NAE1: variants seen among roughly 807,000 people sequenced by gnomAD.
NAE1 encodes the protein NEDD8 activating enzyme E1 subunit 1.
A neutral mutation model predicts 88.0 loss-of-function variants in NAE1; 59 were observed. That is an observed-to-expected ratio of 0.67 (90% confidence interval 0.54 to 0.83). The LOEUF is 0.83. NAE1 is among the 40% of genes least tolerant of loss of function. NAE1 has a pLI of 0.00. For missense variants in NAE1, 554 were observed against 632.8 expected (o/e 0.88, Z 1.34); for synonymous variants, 186 against 208.9 (o/e 0.89, Z 0.95).
At chr16:66,820,706 C>T (rs1311173995) in intron 7 of NAE1, among the ~76,000 whole-genome samples, 1 of 152,140 alleles carries the variant, frequency 6.6e-6, no homozygotes, top group Non-Finnish European at 1.5e-5. Flanking sequence ...TTGAGACCAT[C>T]CTGGCTAACA....
intron 19 of NAE1, among the ~76,000 whole-genome samples, chr16:66,805,392 G>A (rs1174326558): frequency 6.6e-6 from 1 of 152,138 alleles, no homozygotes; most frequent in African/African-American, 2.4e-5. Context: ...ATGGCAGTGG[G>A]AGAGATGGAA....
chr16:66,823,246 C>G lies in NAE1; in HGVS notation c.382G>C (p.Ala128Pro). Residue 128 changes from alanine (A) to proline (P), a missense_variant, in exon 6 of 20, where the codon GCA becomes CCA. By Grantham distance (27) the Ala-to-Pro change is conservative. Transcript: ENST00000290810. The stretch of plus-strand genomic sequence containing the variant: ...ATTTACCTTTCAGGAAGCTGAGTTG[C>G]AACTACAACAGTAAACCTACAGAAA... ...SFFCRFTVVV[A>P]TQLPESTSLR... 6.3e-7 allele frequency: 1 copy of G among 1,594,308 alleles called. No homozygotes were observed. The highest frequency in any genetic ancestry group is 8.5e-7 in the Non-Finnish European group (1 of 1,172,276).
intron 11 of NAE1, among the ~76,000 whole-genome samples, chr16:66,814,278 G>A (rs1397842224): frequency 1.3e-5 from 2 of 152,034 alleles, no homozygotes; most frequent in African/African-American, 4.8e-5. Flanking sequence ...TTTATTGCTA[G>A]CAAGATCTTC....
At position 66,826,524 on chromosome 16, in the gene NAE1, T is replaced by C. The variant is rs1227196979; in HGVS notation, c.217A>G (p.Asn73Asp). ...NQVSGEDAGN[N>D]FFLQRSSIGK... ...ATATTTGAAGAGAATAGAACATACT[T>C]GTTTCCAGCATCTTCTCCGCTGACC... The change falls in exon 3 of 20, where the codon AAT becomes GAT. Residue 73 changes from asparagine to aspartate, a missense_variant and splice_region_variant. Physicochemically the swap from Asn to Asp is conservative, Grantham distance 23. Transcript: ENST00000290810. 2.5e-6 allele frequency: 4 copies of C among 1,613,970 alleles called. No individual in the cohort carries two copies. Among genetic ancestry groups the C allele is most frequent in the Non-Finnish European group, 3.4e-6 (4 of 1,179,922 alleles).
chr16:66,804,151 AGAG>A (rs1205948750), intron 19 of NAE1, among the ~76,000 whole-genome samples: 2 of 152,118 alleles, frequency 1.3e-5, no homozygotes, highest in African/African-American at 4.8e-5. Context: ...ATGGCATCGC[AGAG>A]AAGACAGCAT....
chr16:66,806,138 G>C (rs1372831111), intron 17 of NAE1, 112 bp from the exon 18 acceptor site: 39 of 1,252,614 alleles, frequency 3.1e-5, no homozygotes, highest in Non-Finnish European at 3.9e-5. Context: ...TGAAACTGAA[G>C]AACAAAAATA....
chr16:66,829,135 AC>A (rs1960592769), intron 1 of NAE1, among the ~76,000 whole-genome samples: 1 of 152,216 alleles, frequency 6.6e-6, no homozygotes, highest in African/African-American at 2.4e-5. Context: ...TTTGCTTCTA[AC>A]TGCTTCCCTT....
chr16:66,830,141 C>A (rs1960635093), intron 1 of NAE1, among the ~76,000 whole-genome samples: 1 of 152,178 alleles, frequency 6.6e-6, no homozygotes, highest in Admixed American at 6.5e-5. Context: ...CCCGCTTCGG[C>A]CTCCCAAAGT....
At chr16:66,815,325 T>C (rs893833585) in intron 11 of NAE1, among the ~76,000 whole-genome samples, 2 of 152,134 alleles carry the variant, frequency 1.3e-5, no homozygotes, top group African/African-American at 4.8e-5. Context: ...AAACAGAAAA[T>C]GTTCATCACC....
chr16:66,806,474 G>A (rs991999847), intron 17 of NAE1, among the ~76,000 whole-genome samples: 2 of 151,968 alleles, frequency 1.3e-5, no homozygotes, highest in Non-Finnish European at 2.9e-5. Flanking sequence ...ACCTAGGCTG[G>A]AGTGCAGTGG....
intron 1 of NAE1, chr16:66,828,155 G>A (rs1960539192): frequency 9.6e-7 from 1 of 1,043,574 alleles, no homozygotes; most frequent in Non-Finnish European, 1.4e-6. Flanking sequence ...GACATATATG[G>A]TTGATGGATG....
chr16:66,826,261 C>A, intron 3 of NAE1: 1 of 460,334 alleles, frequency 2.2e-6, no homozygotes. Context: ...TAGGAAGTGC[C>A]CATATTCCAT....
intron 1 of NAE1, among the ~76,000 whole-genome samples, chr16:66,829,578 G>A (rs915133390): frequency 1.3e-5 from 2 of 152,204 alleles, no homozygotes; most frequent in African/African-American, 4.8e-5. Flanking sequence ...TAGGCTGGTG[G>A]CGCAAACAGA....
Position 66,802,950 on chromosome 16 carries a change from C to T in NAE1, c.*59G>A. The T allele has an allele frequency of 9.4e-7, 1 of 1,061,116 alleles. No individual in the cohort carries two copies. The highest frequency in any genetic ancestry group is 1.5e-6 in the Non-Finnish European group (1 of 686,680). The allele number at this position is 1,061,116 out of a possible 1,614,324, so 65.7% of individuals were successfully genotyped here. Reference sequence around the variant, plus strand: ...CTTTAGAATTTTACAGACTAAAGCACAACCCGAAGGCAATTACAGTTTCAA... The same window carrying T: ...CTTTAGAATTTTACAGACTAAAGCATAACCCGAAGGCAATTACAGTTTCAA... On this transcript the variant is annotated 3_prime_UTR_variant, in exon 20 of 20. Transcript: ENST00000290810.
chr16:66,813,690 G>A lies in NAE1; in HGVS notation c.908C>T (p.Ser303Leu), dbSNP rs1258817115. The change falls in exon 13 of 20, where the codon TCA becomes TTA. Residue 303 changes from serine (S) to leucine (L), a missense_variant. Ser to Leu is a moderately radical substitution (Grantham distance 145). Coordinates refer to ENST00000290810, the MANE Select transcript of NAE1 (RefSeq NM_003905.4). ...RCINITKQTPSFWILARALKE... is the reference protein window; with the variant it reads ...RCINITKQTPLFWILARALKE... ...TAAGGCACGAGCTAAAATCCAAAATGATGGAGTCTAAAAGAATAAGAAAAA... is the reference window on the plus strand; with the variant it reads ...TAAGGCACGAGCTAAAATCCAAAATAATGGAGTCTAAAAGAATAAGAAAAA... The A allele has an allele frequency of 8.7e-6, 14 of 1,613,482 alleles. No homozygotes were observed. The highest frequency in any genetic ancestry group is 1.3e-5 in the African/African-American group (1 of 75,028).
At chr16:66,809,162 G>T (rs1464445069) in intron 15 of NAE1, 87 bp from the exon 16 acceptor site, 16 of 885,744 alleles carry the variant, frequency 1.8e-5, no homozygotes, top group Non-Finnish European at 2.5e-5. Flanking sequence ...AGAGAATTAT[G>T]TGTATACCCT....
At chr16:66,823,076 CAAAA>C (rs776599321) in intron 6 of NAE1, 147 bp downstream of exon 6, 180 of 151,472 alleles carry the variant, frequency 1.2e-3, no homozygotes, top group South Asian at 3.4e-3. Context: ...AGCTCAAGCT[CAAAA>C]AAAAAAAAAA....
At chr16:66,817,402 A>T (rs556597667) in intron 9 of NAE1, 23 bp downstream of exon 9, 6 of 1,551,686 alleles carry the variant, frequency 3.9e-6, no homozygotes, top group East Asian at 2.3e-5. Context: ...TGCATATGAA[A>T]TTTTTTTTAA....
At chr16:66,811,710 T>C (rs1004211637) in intron 13 of NAE1, among the ~76,000 whole-genome samples, 5 of 152,238 alleles carry the variant, frequency 3.3e-5, no homozygotes, top group Middle Eastern at 3.4e-3. Flanking sequence ...CCATAAAAGT[T>C]TTCTTTACGT....
Sources: gnomAD v4.1 joint callset for allele counts (sites outside exome capture counted in the v4.1 genomes callset) on GRCh38, gnomAD v4.1.1 for gene constraint, MANE v1.5 for transcripts, NCBI Gene and HGNC (gene_info 2026-07-23, HGNC 2026-07-21) for gene names.